SEMA4D: variants seen among roughly 807,000 people sequenced by gnomAD.
SEMA4D encodes semaphorin 4D.
In SEMA4D, 22 loss-of-function variants were observed where a neutral mutation model predicts 74.8. The ratio of observed to expected loss-of-function variants is 0.29; its 90% CI spans 0.21 to 0.42. The LOEUF is 0.42. Among genes scored for constraint, SEMA4D ranks in the 10% least tolerant of loss-of-function variants. The pLI, the probability that SEMA4D is intolerant of heterozygous loss-of-function variation, is 1.00. For missense variants in SEMA4D, 937 were observed against 1,118.4 expected, an observed-to-expected ratio of 0.84 and a Z score of 2.31; for synonymous variants, 445 against 463.7, an observed-to-expected ratio of 0.96 and a Z score of 0.52.
intron 15 of SEMA4D, among the ~76,000 whole-genome samples, chr9:89,380,153 C>G (rs1057155715): frequency 6.6e-6 from 1 of 152,098 alleles, no homozygotes. Flanking sequence ...CCACCTCAGT[C>G]TCCAGAGTAG....
At chr9:89,462,982 G>GCGA (rs1857695787) in intron 1 of SEMA4D, among the ~76,000 whole-genome samples, 2 of 147,486 alleles carry the variant, frequency 1.4e-5, no homozygotes, top group African/African-American at 2.5e-5. Flanking sequence ...AGGGGAGCGA[G>GCGA]GGAGAAAGAG....
chr9:89,478,420 CT>C (rs1862303064), intron 1 of SEMA4D, among the ~76,000 whole-genome samples: 1 of 152,046 alleles, frequency 6.6e-6, no homozygotes, highest in East Asian at 1.9e-4. Context: ...GGAGGCCCCC[CT>C]AGAGCCTCAG....
Position 89,481,976 on chromosome 9 carries a change from T to A in SEMA4D, c.-310+15943A>T, listed in dbSNP as rs73490217. ...AAAACAGCAAACCTGGTGAGAGGGT[T>A]TCGCTGCTGCTGCTTCCTGTCGATG... On this transcript the variant is annotated intron_variant, in intron 1 of 15. Transcript: ENST00000422704. Among the ~76,000 whole-genome samples the A allele has an allele frequency of 5.0e-3, 762 of 152,320 alleles. 3 individuals carry two copies. The highest frequency in any genetic ancestry group is 0.017 in the African/African-American group (707 of 41,558).
chr9:89,425,112 C>T (rs1847830171), intron 2 of SEMA4D, among the ~76,000 whole-genome samples: 1 of 152,210 alleles, frequency 6.6e-6, no homozygotes, highest in African/African-American at 2.4e-5. Flanking sequence ...AGGCCAGGGT[C>T]TGTCTGGTTT....
At chr9:89,372,659 C>G (rs1046663757), downstream of SEMA4D, among the ~76,000 whole-genome samples, 3 of 152,026 alleles carry the variant, frequency 2.0e-5, no homozygotes, top group African/African-American at 7.3e-5. Flanking sequence ...TGCACTCAGT[C>G]CCCCAGGACT....
At chr9:89,366,641 CAT>C (rs991828376) in intron 16 of SEMA4D, among the ~76,000 whole-genome samples, 11 of 152,336 alleles carry the variant, frequency 7.2e-5, no homozygotes, top group Non-Finnish European at 1.3e-4. Context: ...GATGTACAAA[CAT>C]ATGTCTCTAT....
At position 89,379,280 on chromosome 9, in the gene SEMA4D, T is replaced by TG. The variant is rs778827474; in HGVS notation, c.2012_2013insC (p.Lys671AsnfsTer59). ...ACCCTTGGGTGGATGCCACCAACAC[T>TG]TTGGTGGCAATCCTACTACCTTCTG... On this transcript the variant is annotated frameshift_variant, in exon 16 of 16. Transcript: ENST00000422704. LOFTEE classifies it low-confidence loss of function (END_TRUNC). 2.5e-6 allele frequency: 4 copies of TG among 1,613,888 alleles called. No homozygotes were observed. The East Asian group carries it at 8.9e-5, about 36-fold the overall frequency.
chr9:89,385,776 G>A (rs1838304870), intron 13 of SEMA4D: 9 of 497,826 alleles, frequency 1.8e-5, no homozygotes, highest in South Asian at 8.7e-5. Flanking sequence ...AGGGAGGAGA[G>A]GACTGACTGG....
At chr9:89,468,916 T>C (rs1046711072) in intron 1 of SEMA4D, among the ~76,000 whole-genome samples, 1 of 152,144 alleles carries the variant, frequency 6.6e-6, no homozygotes, top group African/African-American at 2.4e-5. Flanking sequence ...AGGCACCTCA[T>C]TTGCTGCTCC....
At chr9:89,487,361 A>G (rs1825274859) in intron 1 of SEMA4D, among the ~76,000 whole-genome samples, 1 of 152,102 alleles carries the variant, frequency 6.6e-6, no homozygotes, top group African/African-American at 2.4e-5. Flanking sequence ...AAAGCTCTCA[A>G]CAAATTAAAA....
intron 1 of SEMA4D, among the ~76,000 whole-genome samples, chr9:89,478,936 T>C (rs1862471334): frequency 6.6e-6 from 1 of 152,148 alleles, no homozygotes; most frequent in African/African-American, 2.4e-5. Context: ...CCAGCTTCAG[T>C]CAGCTCATCT....
chr9:89,428,388 G>A (rs1848546314), intron 2 of SEMA4D, among the ~76,000 whole-genome samples: 1 of 152,244 alleles, frequency 6.6e-6, no homozygotes, highest in Admixed American at 6.5e-5. Flanking sequence ...AGACCCATAT[G>A]ACCTGCCAAG....
chr9:89,452,345 AT>A, intron 2 of SEMA4D, among the ~76,000 whole-genome samples: 1 of 151,194 alleles, frequency 6.6e-6, no homozygotes, highest in Non-Finnish European at 1.5e-5. Context: ...TGCCCGGCTA[AT>A]TTTTTGTATT....
At chr9:89,370,321 G>A (rs1463024805) in intron 16 of SEMA4D, among the ~76,000 whole-genome samples, 1 of 151,710 alleles carries the variant, frequency 6.6e-6, no homozygotes, top group Non-Finnish European at 1.5e-5. Context: ...TCGTGTGTGT[G>A]TGTTGTGGTA....
chr9:89,487,650 T>G (rs1244363541), intron 1 of SEMA4D, among the ~76,000 whole-genome samples: 1 of 152,072 alleles, frequency 6.6e-6, no homozygotes, highest in Non-Finnish European at 1.5e-5. Flanking sequence ...AAAAAGCTAC[T>G]TAAATAGCGA....
intron 1 of SEMA4D, among the ~76,000 whole-genome samples, chr9:89,477,291 CAT>C (rs1452499403): frequency 6.6e-6 from 1 of 151,976 alleles, no homozygotes; most frequent in Non-Finnish European, 1.5e-5. Context: ...CACACATTCA[CAT>C]ACACACATGC....
intron 11 of SEMA4D, among the ~76,000 whole-genome samples, chr9:89,388,150 G>A (rs1379212631): frequency 6.6e-6 from 1 of 152,196 alleles, no homozygotes; most frequent in Non-Finnish European, 1.5e-5. Context: ...TGAACTCTGA[G>A]GGCCAGGACA....
In SEMA4D at chr9:89,396,730, G is replaced by A; in HGVS notation, c.414+7C>T. On this transcript the variant is annotated splice_region_variant and intron_variant, in intron 6 of 15. Transcript: ENST00000422704. ...CGTGAGCACAGGGAGGTGCCCATCAGCCTTACCAGGTGGTCACAGGCCGGC... is the reference window on the plus strand; with the variant it reads ...CGTGAGCACAGGGAGGTGCCCATCAACCTTACCAGGTGGTCACAGGCCGGC... 6.2e-7 allele frequency: 1 copy of A among 1,611,404 alleles called. No individual in the cohort carries two copies.
At chr9:89,362,435 G>A (rs1240686950) in intron 18 of SEMA4D, 1 of 1,614,020 alleles carries the variant, frequency 6.2e-7, no homozygotes, top group Non-Finnish European at 8.5e-7. Flanking sequence ...TTTCCTGAAA[G>A]AACAATGTGG....
Sources: allele counts gnomAD v4.1 joint callset (sites outside exome capture counted in the v4.1 genomes callset), GRCh38; gene constraint gnomAD v4.1.1; transcripts MANE v1.5; gene names NCBI Gene and HGNC (gene_info 2026-07-23, HGNC 2026-07-21).